The following WDR25 variants were observed in gnomAD, a reference collection of about 807,000 sequenced individuals.
The protein encoded by WDR25 is WD repeat domain 25, also known as WD repeat-containing protein 25.
Under a neutral mutation model 47.7 loss-of-function variants are expected in WDR25, and 35 were observed. The observed-to-expected ratio is 0.73, with a 90% CI of 0.56 to 0.97. WDR25 has a LOEUF of 0.97. Among genes scored for constraint, WDR25 ranks in the 50% least tolerant of loss-of-function variants. WDR25 has a pLI of 0.00. For missense variants in WDR25, 634 were observed against 704.7 expected (o/e 0.90, Z 1.14); for synonymous variants, 248 against 278.9 (o/e 0.89, Z 1.10).
intron 2 of WDR25, among the ~76,000 whole-genome samples, chr14:100,419,243 T>G (rs1035785932): frequency 2.7e-5 from 4 of 150,768 alleles, no homozygotes; most frequent in Non-Finnish European, 5.9e-5. Context: ...AAAAAAAAAT[T>G]TATTTCCCGT....
rs1244261288 is a variant in WDR25, at chr14:100,499,187, C to T, written c.1101+15063C>T. Among the ~76,000 whole-genome samples, 1 of 152,130 alleles carries T rather than the reference C, an allele frequency of 6.6e-6. No homozygotes were observed. The highest frequency in any genetic ancestry group is 2.4e-5 in the African/African-American group (1 of 41,414). On this transcript the variant is annotated intron_variant, in intron 4 of 6. Transcript: ENST00000402312. The surrounding 1 kb of genome is among the most constrained non-coding windows in gnomAD (Gnocchi z 4.4). ...CATAACCACCACTGACAGTTGGTAT[C>T]CTTCATTCAATTGTTTTATGCATAT... is the stretch of plus-strand genomic sequence containing the variant.
intron 2 of WDR25, among the ~76,000 whole-genome samples, chr14:100,399,976 G>T (rs2140168971): frequency 6.6e-6 from 1 of 152,338 alleles, no homozygotes; most frequent in South Asian, 2.1e-4. Context: ...ATGGGAGAGG[G>T]TTAGATGCAT....
intron 3 of WDR25, among the ~76,000 whole-genome samples, chr14:100,473,247 C>A (rs1462827426): frequency 6.6e-6 from 1 of 152,138 alleles, no homozygotes; most frequent in Non-Finnish European, 1.5e-5. Context: ...AGACTCTTTG[C>A]TTATGTGACT....
chr14:100,459,892 G>GTGTATATATATATATA (rs1899326626), intron 2 of WDR25, among the ~76,000 whole-genome samples: 1 of 35,188 alleles, frequency 2.8e-5, no homozygotes, highest in Non-Finnish European at 4.6e-5. Context: ...ATGTGTGTGT[G>GTGTATATATATATATA]TGTATATATA....
intron 4 of WDR25, among the ~76,000 whole-genome samples, chr14:100,519,763 T>C (rs1424239438): frequency 7.2e-6 from 1 of 139,114 alleles, no homozygotes; most frequent in East Asian, 2.0e-4. Context: ...AGTGTGTATA[T>C]ATAGTATATA....
chr14:100,461,280 A>T (rs995244213), intron 2 of WDR25, among the ~76,000 whole-genome samples: 6 of 152,228 alleles, frequency 3.9e-5, no homozygotes, highest in African/African-American at 1.4e-4. Context: ...AGTACTAAAA[A>T]GTGAGTTTAG....
chr14:100,420,031 C>T lies in WDR25; in HGVS notation c.822+38285C>T, dbSNP rs114283590. ...GTGGACCTGGGAGTGAACGGGTGCT[C>T]GCAGGGCCCACCTGGTGGTCAGTCT... is the stretch of plus-strand genomic sequence containing the variant. On this transcript the variant is annotated intron_variant, in intron 2 of 6. Transcript: ENST00000402312. Among the ~76,000 whole-genome samples the T allele has an allele frequency of 1.5e-3, 234 of 152,358 alleles. 1 individual carries two copies. The highest frequency in any genetic ancestry group is 5.4e-3 in the African/African-American group (224 of 41,590).
At chr14:100,495,866 C>T (rs76604558) in intron 4 of WDR25, among the ~76,000 whole-genome samples, 6 of 152,176 alleles carry the variant, frequency 3.9e-5, no homozygotes, top group African/African-American at 1.2e-4. Context: ...TTTCTCCATT[C>T]TCTAGGTGAT....
intron 3 of WDR25, among the ~76,000 whole-genome samples, chr14:100,477,858 G>A (rs906113399): frequency 2.6e-5 from 4 of 152,128 alleles, no homozygotes; most frequent in South Asian, 2.1e-4. Context: ...TTGGGAGGCC[G>A]AGGTGGGTGG....
At chr14:100,471,685 G>A (rs1195776681) in intron 3 of WDR25, among the ~76,000 whole-genome samples, 1 of 152,164 alleles carries the variant, frequency 6.6e-6, no homozygotes, top group Non-Finnish European at 1.5e-5. Flanking sequence ...TTAATTTGGC[G>A]CCAAGGCCAT....
In WDR25 at chr14:100,479,823, C is replaced by T. The variant is rs183387030; in HGVS notation, c.971-4171C>T. On this transcript the variant is annotated intron_variant, in intron 3 of 6. Coordinates refer to ENST00000402312, the MANE Select transcript of WDR25 (RefSeq NM_001161476.3). Reference sequence around the variant, plus strand: ...GAACATTCCCGCCTGAGCTCCTTCTCCTGTCAGATCAGCAGCAGCATCAGA... The same window carrying T: ...GAACATTCCCGCCTGAGCTCCTTCTTCTGTCAGATCAGCAGCAGCATCAGA... Among the ~76,000 whole-genome samples, 8 of 152,228 alleles carry T rather than the reference C, an allele frequency of 5.3e-5. No individual in the cohort carries two copies. The East Asian group carries it at 1.5e-3, about 29-fold the overall frequency.
chr14:100,417,182 A>G lies in WDR25; in HGVS notation c.822+35436A>G, dbSNP rs532044865. On this transcript the variant is annotated intron_variant, in intron 2 of 6. Transcript: ENST00000402312. ...CTAGGGTTGCTGTGCTGTGTGTGGC[A>G]TGGCCAGAGTCCTCCGCTCATCTCC... Among the ~76,000 whole-genome samples the G allele has an allele frequency of 2.6e-5, 4 of 152,298 alleles. No homozygotes were observed. The East Asian group carries it at 7.7e-4, about 29-fold the overall frequency.
chr14:100,464,422 T>G (rs1187729804), intron 2 of WDR25, among the ~76,000 whole-genome samples: 1 of 152,192 alleles, frequency 6.6e-6, no homozygotes, highest in African/African-American at 2.4e-5. Context: ...GTTCAGTGTC[T>G]GTCTCCCTCA....
chr14:100,417,787 T>C (rs1897910382), intron 2 of WDR25, among the ~76,000 whole-genome samples: 2 of 152,222 alleles, frequency 1.3e-5, no homozygotes, highest in Non-Finnish European at 2.9e-5. Flanking sequence ...GACTTCTTCC[T>C]GGCTGCAGTG....
At chr14:100,382,044 C>T (rs1896915228) in intron 2 of WDR25, 1 of 702,662 alleles carries the variant, frequency 1.4e-6, no homozygotes, top group Admixed American at 2.0e-5. Flanking sequence ...AAAGCAGGCC[C>T]AGGACCAAGC....
chr14:100,427,775 A>T (rs1898211885), intron 2 of WDR25, among the ~76,000 whole-genome samples: 1 of 152,200 alleles, frequency 6.6e-6, no homozygotes, highest in African/African-American at 2.4e-5. Flanking sequence ...GTTGATGGGC[A>T]CCTTTGCCAC....
At chr14:100,477,989 G>T (rs1900073367) in intron 3 of WDR25, among the ~76,000 whole-genome samples, 2 of 152,168 alleles carry the variant, frequency 1.3e-5, no homozygotes. Flanking sequence ...CTACTAGGGA[G>T]GCTGAGGCAG....
At chr14:100,481,094 A>G in intron 3 of WDR25, 3 of 393,646 alleles carry the variant, frequency 7.6e-6, no homozygotes, top group South Asian at 3.6e-5. Context: ...ATCTTCAGAC[A>G]AAAAAGTGCA....
intron 2 of WDR25, among the ~76,000 whole-genome samples, chr14:100,410,081 G>A (rs971844273): frequency 1.3e-5 from 2 of 152,164 alleles, no homozygotes; most frequent in African/African-American, 4.8e-5. Context: ...AATAAGAATA[G>A]TCTTGGCCAA....
Sources: allele counts gnomAD v4.1 joint callset (sites outside exome capture counted in the v4.1 genomes callset), GRCh38; gene constraint gnomAD v4.1.1; non-coding constraint Gnocchi (gnomAD v3.1); transcripts MANE v1.5; gene names NCBI Gene and HGNC (gene_info 2026-07-23, HGNC 2026-07-21).